The following CELF2 variants were observed in gnomAD, a reference collection of about 807,000 sequenced individuals.
CELF2 encodes CUG triplet repeat RNA-binding protein 2.
In CELF2, 8 loss-of-function variants were observed where a neutral mutation model predicts 62.6. The ratio of observed to expected loss-of-function variants is 0.13; its 90% CI spans 0.07 to 0.23. CELF2 has a LOEUF of 0.23. Among genes scored for constraint, CELF2 ranks in the 10% least tolerant of loss-of-function variants. The pLI, the probability that CELF2 is intolerant of heterozygous loss-of-function variation, is 1.00. For missense variants in CELF2, 333 were observed against 671.0 expected, an observed-to-expected ratio of 0.50 and a Z score of 5.56; for synonymous variants, 258 against 250.0, an observed-to-expected ratio of 1.03 and a Z score of -0.30.
chr10:10,761,465 C>T, the CELF2 span, among the ~76,000 whole-genome samples: 1 of 152,096 alleles, frequency 6.6e-6, no homozygotes, highest in Admixed American at 6.6e-5. Flanking sequence ...TTCACTGGGC[C>T]ACAGGGTACC....
At chr10:10,784,922 A>G in the CELF2 span, among the ~76,000 whole-genome samples, 2 of 152,160 alleles carry the variant, frequency 1.3e-5, no homozygotes, top group Non-Finnish European at 2.9e-5. Context: ...CCTCACCTCT[A>G]CAACCAGACT....
chr10:11,115,401 T>C (rs1595569194), intron 1 of CELF2, among the ~76,000 whole-genome samples: 1 of 152,274 alleles, frequency 6.6e-6, no homozygotes, highest in African/African-American at 2.4e-5. Context: ...ACAGGGGTCA[T>C]TAGGAATTCT....
the CELF2 span, among the ~76,000 whole-genome samples, chr10:10,689,515 A>T: frequency 6.6e-6 from 1 of 152,352 alleles, no homozygotes; most frequent in East Asian, 1.9e-4. Flanking sequence ...ACAAAATCAT[A>T]ACATGAAAAA....
chr10:11,072,606 A>G (rs1297014737), intron 1 of CELF2, among the ~76,000 whole-genome samples: 1 of 152,192 alleles, frequency 6.6e-6, no homozygotes, highest in Non-Finnish European at 1.5e-5. Context: ...ACAAACCAGC[A>G]TTATTGCCTG....
At chr10:10,675,313 CT>C in the CELF2 span, among the ~76,000 whole-genome samples, 2 of 152,084 alleles carry the variant, frequency 1.3e-5, no homozygotes, top group South Asian at 4.1e-4. Flanking sequence ...TCACTTGACT[CT>C]TTTTTTGCTT....
intron 1 of CELF2, among the ~76,000 whole-genome samples, chr10:11,074,574 T>C (rs1203191229): frequency 6.6e-6 from 1 of 152,240 alleles, no homozygotes; most frequent in Non-Finnish European, 1.5e-5. Flanking sequence ...ATGGGATAAA[T>C]TACCTGCTAT....
At chr10:11,087,278 G>T (rs2047075342) in intron 1 of CELF2, among the ~76,000 whole-genome samples, 1 of 152,298 alleles carries the variant, frequency 6.6e-6, no homozygotes, top group African/African-American at 2.4e-5. Context: ...GGTGATGAGA[G>T]ATGTGTTTCG....
Position 11,331,331 on chromosome 10 carries a change from A to AATTTCAT in CELF2, c.*2279_*2285dup, listed in dbSNP as rs2096012553. ...AAAAAAAAGTTGTTTGCTTAAAAAA[A>AATTTCAT]ATTTCATGTGAGGGAAAAAAAAAAA... On this transcript the variant is annotated 3_prime_UTR_variant, in exon 13 of 13. Transcript: ENST00000633077. 6.6e-6 allele frequency: 1 copy of AATTTCAT among 152,050 alleles called. No homozygotes were observed. Among genetic ancestry groups the AATTTCAT allele is most frequent in the African/African-American group, 2.4e-5 (1 of 41,362 alleles). The allele number at this position is 152,050 out of a possible 1,614,324, so 9.4% of individuals were successfully genotyped here.
chr10:11,030,531 C>T (rs902877033), intron 1 of CELF2: 3 of 152,228 alleles, frequency 2.0e-5, no homozygotes, highest in African/African-American at 7.2e-5. Flanking sequence ...GTCTCCAAAG[C>T]CCGAGGTCGC....
chr10:11,062,351 G>A (rs2066984122), intron 1 of CELF2, among the ~76,000 whole-genome samples: 1 of 152,232 alleles, frequency 6.6e-6, no homozygotes, highest in Non-Finnish European at 1.5e-5. Flanking sequence ...GGCTATGGCT[G>A]CTATAGATTG....
intron 1 of CELF2, among the ~76,000 whole-genome samples, chr10:10,882,950 A>G (rs79447915): frequency 6.6e-6 from 1 of 152,170 alleles, no homozygotes; most frequent in East Asian, 1.9e-4. Context: ...CCTGGTTTAT[A>G]AGCTCTGGGC....
At chr10:10,698,331 G>T in the CELF2 span, among the ~76,000 whole-genome samples, 1 of 152,126 alleles carries the variant, frequency 6.6e-6, no homozygotes, top group South Asian at 2.1e-4. Flanking sequence ...CTTTATGCAG[G>T]CGAACTGACT....
chr10:10,464,598 A>G, the CELF2 span, among the ~76,000 whole-genome samples: 25 of 152,312 alleles, frequency 1.6e-4, no homozygotes, highest in South Asian at 5.2e-3. Context: ...AAAATAAGAA[A>G]GGATAAGCAC....
intron 10 of CELF2, chr10:11,320,733 TTCC>T (rs1186540552): frequency 9.8e-7 from 1 of 1,019,826 alleles, no homozygotes; most frequent in East Asian, 2.6e-5. Flanking sequence ...ATTTCATCCT[TTCC>T]TCCTCAGCCC....
At chr10:10,505,888 T>C in the CELF2 span, among the ~76,000 whole-genome samples, 17 of 152,230 alleles carry the variant, frequency 1.1e-4, no homozygotes, top group Admixed American at 1.1e-3. Flanking sequence ...TTCAGCTCTA[T>C]ATCTGGGAAC....
intron 1 of CELF2, among the ~76,000 whole-genome samples, chr10:10,873,066 A>T (rs1308508199): frequency 6.6e-6 from 1 of 151,992 alleles, no homozygotes; most frequent in East Asian, 1.9e-4. Context: ...ACATCCTTTT[A>T]TCGGCTTATG....
At chr10:11,253,220 A>G (rs1341293444) in intron 4 of CELF2, among the ~76,000 whole-genome samples, 1 of 152,150 alleles carries the variant, frequency 6.6e-6, no homozygotes, top group African/African-American at 2.4e-5. Context: ...GCGTAAATCC[A>G]TCCATCCTGC....
At chr10:10,867,603 C>A (rs1031023283) in intron 1 of CELF2, among the ~76,000 whole-genome samples, 1 of 152,172 alleles carries the variant, frequency 6.6e-6, no homozygotes, top group African/African-American at 2.4e-5. Flanking sequence ...CCCAGCTTTA[C>A]TTTCTTTCCC....
chr10:10,782,877 GA>G, the CELF2 span, among the ~76,000 whole-genome samples: 1 of 152,154 alleles, frequency 6.6e-6, no homozygotes, highest in Non-Finnish European at 1.5e-5. Flanking sequence ...CAGTAAACAT[GA>G]ATGGGATTGT....
Sources: gnomAD v4.1 joint callset for allele counts (sites outside exome capture counted in the v4.1 genomes callset) on GRCh38, gnomAD v4.1.1 for gene constraint, MANE v1.5 for transcripts, NCBI Gene and HGNC (gene_info 2026-07-23, HGNC 2026-07-21) for gene names.